The following IPO8 variants were observed in gnomAD, a reference collection of about 807,000 sequenced individuals.
IPO8 encodes importin 8.
IPO8 carries 65 observed loss-of-function variants against 141.2 expected under a neutral mutation model. The ratio of observed to expected loss-of-function variants is 0.46; its 90% CI spans 0.38 to 0.57. The LOEUF is 0.57. Among genes scored for constraint, IPO8 ranks in the 20% least tolerant of loss-of-function variants. The pLI, the probability that IPO8 is intolerant of heterozygous loss-of-function variation, is 0.00. For missense variants in IPO8, 980 were observed against 1,246.8 expected (o/e 0.79, Z 3.22); for synonymous variants, 411 against 420.3 (o/e 0.98, Z 0.27).
intron 20 of IPO8, among the ~76,000 whole-genome samples, chr12:30,645,563 T>C (rs1293977730): frequency 2.0e-5 from 3 of 150,980 alleles, no homozygotes; most frequent in Admixed American, 1.3e-4. Flanking sequence ...AAAACAAAAA[T>C]AGAGAACAAA....
rs1565501908 is a variant in IPO8 at position 30,663,601 on chromosome 12, A to G, written c.1482T>C (p.Asn494=). ...TCGCTAATTCAACGGCATTTCTTAG[A>G]TTGAGCTCATTATGGAACTTCAAAG... ...FSSLKFHNEL[N]LRNAVELAKK... is the part of the protein sequence containing the mutation. Residue 494 remains asparagine, a synonymous_variant, in exon 14 of 25, where the codon AAT becomes AAC. Transcript: ENST00000256079. The G allele has an allele frequency of 6.2e-7, 1 of 1,613,278 alleles. No homozygotes were observed. The highest frequency in any genetic ancestry group is 8.5e-7 in the Non-Finnish European group (1 of 1,179,870).
chr12:30,689,137 A>AG lies in IPO8; in HGVS notation c.166+1358dup, dbSNP rs371978240. On this transcript the variant is annotated intron_variant, in intron 2 of 24. Transcript: ENST00000256079. The stretch of plus-strand genomic sequence containing the variant: ...AAATAGCATGTGTAATATAAAAAAA[A>AG]GAATTGGAGAGCCACGCATCAAAGC... Among the ~76,000 whole-genome samples the AG allele has an allele frequency of 2.8e-3, 423 of 152,220 alleles. 1 individual carries two copies. The highest frequency in any genetic ancestry group is 9.6e-3 in the African/African-American group (398 of 41,578).
intron 6 of IPO8, among the ~76,000 whole-genome samples, chr12:30,675,950 C>T (rs1318151505): frequency 1.3e-5 from 2 of 151,728 alleles, no homozygotes; most frequent in Non-Finnish European, 2.9e-5. Context: ...AAAATATTAT[C>T]AATACGTTTT....
At chr12:30,690,897 T>A (rs1565512199) in intron 1 of IPO8, among the ~76,000 whole-genome samples, 1 of 152,326 alleles carries the variant, frequency 6.6e-6, no homozygotes, top group East Asian at 1.9e-4. Flanking sequence ...ACAGGTATCA[T>A]CATTCCTTTG....
intron 8 of IPO8, among the ~76,000 whole-genome samples, chr12:30,671,380 T>A (rs1395044571): frequency 6.6e-6 from 1 of 152,098 alleles, no homozygotes; most frequent in East Asian, 1.9e-4. Context: ...TTTAAAAAAT[T>A]ACAATAACAG....
At position 30,629,557 on chromosome 12, in the gene IPO8, T is replaced by C. The variant is rs1190357703; in HGVS notation, c.*1303A>G. The C allele has an allele frequency of 6.6e-6, 1 of 152,216 alleles. No homozygotes were observed. The highest frequency in any genetic ancestry group is 2.4e-5 in the African/African-American group (1 of 41,468). 9.4% of individuals were successfully genotyped at this position (152,216 alleles called of 1,614,324 possible). On this transcript the variant is annotated 3_prime_UTR_variant, in exon 25 of 25. Coordinates refer to ENST00000256079, the MANE Select transcript of IPO8 (RefSeq NM_006390.4). The stretch of plus-strand genomic sequence containing the variant: ...CTGTGAATTTTTGTGAATTTTCAAT[T>C]CCACAGAAAGCAAAATCTGTATCAC...
At chr12:30,662,619 G>GT in intron 14 of IPO8, 132 bp from the exon 15 acceptor site, 2 of 709,862 alleles carry the variant, frequency 2.8e-6, no homozygotes, top group Non-Finnish European at 5.0e-6. Context: ...TTGCTCTGTG[G>GT]TAAGTTACAA....
Position 30,631,491 on chromosome 12 carries a change from G to A in IPO8, c.3016+404C>T, listed in dbSNP as rs77773756. ...ACAATGTCAAATAAAGCCCAACAAT[G>A]AGAAATAGAGAGCATTCCATTTCCA... On this transcript the variant is annotated intron_variant, in intron 24 of 24. Coordinates refer to ENST00000256079, the MANE Select transcript of IPO8 (RefSeq NM_006390.4). 5.9e-3 allele frequency: 969 copies of A among 165,186 alleles called. 27 individuals carry two copies. The East Asian group carries it at 0.06, about 10-fold the overall frequency. The allele number at this position is 165,186 out of a possible 1,614,324, so 10.2% of individuals were successfully genotyped here. A position where few individuals can be genotyped will look rare whatever the true frequency, so the allele number is the denominator to read the frequency against.
intron 17 of IPO8, 87 bp from the exon 18 acceptor site, chr12:30,653,179 AC>A: frequency 8.5e-7 from 1 of 1,176,818 alleles, no homozygotes; most frequent in Non-Finnish European, 1.2e-6. Context: ...TAGACTACCT[AC>A]GCACACAGAG....
At chr12:30,676,996 G>A in intron 5 of IPO8, 1 of 1,527,530 alleles carries the variant, frequency 6.5e-7, no homozygotes, top group Non-Finnish European at 8.8e-7. Flanking sequence ...CCTCTACACT[G>A]TAGCATAATA....
chr12:30,683,629 A>G (rs2053210968), intron 3 of IPO8, among the ~76,000 whole-genome samples: 1 of 152,230 alleles, frequency 6.6e-6, no homozygotes, highest in Non-Finnish European at 1.5e-5. Flanking sequence ...TAAATGAATC[A>G]AAAGTAAATA....
chr12:30,650,235 AAATT>A (rs1383215590), intron 19 of IPO8, among the ~76,000 whole-genome samples: 6 of 152,082 alleles, frequency 3.9e-5, no homozygotes, highest in Non-Finnish European at 7.4e-5. Context: ...AATTTAAGAA[AAATT>A]AATTAAGAAA....
intron 20 of IPO8, among the ~76,000 whole-genome samples, chr12:30,641,709 T>TA (rs150515638): frequency 0.022 from 3,273 of 151,796 alleles, 101 homozygotes; most frequent in African/African-American, 0.074. Context: ...AAAGAGCTAC[T>TA]AAAAAAAACA....
Position 30,629,240 on chromosome 12 carries a change from G to A in IPO8, c.*1620C>T, listed in dbSNP as rs1255872377. On this transcript the variant is annotated 3_prime_UTR_variant, in exon 25 of 25. Coordinates refer to ENST00000256079, the MANE Select transcript of IPO8 (RefSeq NM_006390.4). ...TCCAGTGTGAAGGCATATTATTTAT[G>A]TTAAAATTAGACCATGTGGAACATG... 1.3e-5 allele frequency: 2 copies of A among 152,200 alleles called. No homozygotes were observed. Among genetic ancestry groups the A allele is most frequent in the African/African-American group, 4.8e-5 (2 of 41,448 alleles). 9.4% of individuals were successfully genotyped at this position (152,200 alleles called of 1,614,324 possible).
chr12:30,649,211 C>T lies in IPO8; in HGVS notation c.2194G>A (p.Glu732Lys), dbSNP rs1007664234. 6 of 1,612,694 alleles carry T rather than the reference C, an allele frequency of 3.7e-6. No homozygotes were observed. Among genetic ancestry groups the T allele is most frequent in the Non-Finnish European group, 5.1e-6 (6 of 1,179,070 alleles). ...CRKVLCGDAG[E>K]DAECHAAKLL... ...TTAGCTGCATGACACTCTGCATCTT[C>T]TCCTGCATCTCCACATAGTACCTGC... The change falls in exon 20 of 25, where the codon GAA becomes AAA. Residue 732 changes from glutamate (E) to lysine (K), a missense_variant. Coordinates refer to ENST00000256079, the MANE Select transcript of IPO8 (RefSeq NM_006390.4).
chr12:30,662,533 G>C (rs1411253650), intron 14 of IPO8, 46 bp from the exon 15 acceptor site: 1 of 1,454,542 alleles, frequency 6.9e-7, no homozygotes, highest in South Asian at 1.2e-5. Flanking sequence ...ACCATGCCCA[G>C]ATGATAAAAG....
rs2052920744 is a variant in IPO8, at chr12:30,663,660, T to C, written c.1429-6A>G. ...GCATGAAGTACCCAGCAAGACTGTA[T>C]TATTAAAAAAGGTAAGTAGGGAGCT... On this transcript the variant is annotated splice_polypyrimidine_tract_variant and splice_region_variant and intron_variant, in intron 13 of 24. Coordinates refer to ENST00000256079, the MANE Select transcript of IPO8 (RefSeq NM_006390.4). 6.3e-7 allele frequency: 1 copy of C among 1,593,202 alleles called. No individual in the cohort carries two copies. The highest frequency in any genetic ancestry group is 8.5e-7 in the Non-Finnish European group (1 of 1,173,712).
intron 8 of IPO8, among the ~76,000 whole-genome samples, chr12:30,672,942 C>A (rs1378664361): frequency 1.3e-5 from 2 of 151,334 alleles, no homozygotes; most frequent in African/African-American, 4.9e-5. Context: ...ATAATGCTGA[C>A]AATAAAGAGC....
At position 30,636,985 on chromosome 12, in the gene IPO8, T is replaced by C; in HGVS notation, c.2692A>G (p.Asn898Asp). 6.2e-7 allele frequency: 1 copy of C among 1,612,940 alleles called. No individual in the cohort carries two copies. Among genetic ancestry groups the C allele is most frequent in the Non-Finnish European group, 8.5e-7 (1 of 1,178,932 alleles). The change falls in exon 22 of 25, where the codon AAT (asparagine) becomes GAT (aspartate). Residue 898 changes from asparagine (N) to aspartate (D), a missense_variant. Around this residue, in one of 3 missense-constraint regions of IPO8, gnomAD observed 924 missense variants for 1,153.9 expected, o/e 0.80. Transcript: ENST00000256079. ...AATTTCAATTAGAAGACTTTACCAT[T>C]TTCTTCCATATCAGCTTTCTCTGCT... ...SKAEKADMEE[N>D]EEISSDEEET...
Sources: allele counts gnomAD v4.1 joint callset (sites outside exome capture counted in the v4.1 genomes callset), GRCh38; gene constraint gnomAD v4.1.1; regional missense constraint gnomAD v4.1.1; transcripts MANE v1.5; gene names NCBI Gene and HGNC (gene_info 2026-07-23, HGNC 2026-07-21).